Variants in KSR2 observed in about 807,000 individuals in gnomAD.
KSR2 encodes kinase suppressor of ras 2.
KSR2 carries 25 observed loss-of-function variants against 107.8 expected under a neutral mutation model. The ratio of observed to expected loss-of-function variants is 0.23; its 90% CI spans 0.17 to 0.32. KSR2 has a LOEUF of 0.32. Among genes scored for constraint, KSR2 ranks in the 10% least tolerant of loss-of-function variants. The pLI is 1.00. For synonymous variants in KSR2, 480 were observed against 507.0 expected, an observed-to-expected ratio of 0.95 and a Z score of 0.71; for missense variants, 887 against 1,268.9, an observed-to-expected ratio of 0.70 and a Z score of 4.57.
At chr12:117,590,711 A>G (rs1880268091) in intron 5 of KSR2, among the ~76,000 whole-genome samples, 1 of 152,182 alleles carries the variant, frequency 6.6e-6, no homozygotes, top group East Asian at 1.9e-4. Context: ...ATAAAGTTTA[A>G]TTGGCACACA....
intron 5 of KSR2, among the ~76,000 whole-genome samples, chr12:117,591,791 G>A (rs1880337325): frequency 6.6e-6 from 1 of 151,526 alleles, no homozygotes; most frequent in Non-Finnish European, 1.5e-5. Context: ...ATCACTTGAG[G>A]TCAGGAGTTC....
At chr12:117,698,525 T>C (rs1188175524) in intron 4 of KSR2, among the ~76,000 whole-genome samples, 2 of 152,084 alleles carry the variant, frequency 1.3e-5, no homozygotes, top group Non-Finnish European at 2.9e-5. Flanking sequence ...AAGGTTTTGC[T>C]ATGTTGCCCA....
chr12:117,652,621 T>C (rs950851261), intron 5 of KSR2, among the ~76,000 whole-genome samples: 8 of 152,140 alleles, frequency 5.3e-5, no homozygotes, highest in Non-Finnish European at 1.0e-4. Context: ...ATTTATGCAG[T>C]GAATCTTTCT....
chr12:117,898,062 G>A (rs935990611), intron 1 of KSR2, among the ~76,000 whole-genome samples: 2 of 151,998 alleles, frequency 1.3e-5, no homozygotes, highest in East Asian at 3.9e-4. Context: ...TCCTGTGAAC[G>A]CGTCCAGCCT....
At chr12:117,765,349 T>G (rs1437972014) in intron 3 of KSR2, among the ~76,000 whole-genome samples, 5 of 152,090 alleles carry the variant, frequency 3.3e-5, no homozygotes, top group Non-Finnish European at 5.9e-5. Context: ...CTGAATGAAA[T>G]GGAAAGAATA....
intron 7 of KSR2, among the ~76,000 whole-genome samples, chr12:117,574,829 G>A (rs758299498): frequency 1.1e-4 from 17 of 150,584 alleles, no homozygotes; most frequent in South Asian, 2.1e-4. Flanking sequence ...ATAGCATGAG[G>A]CCAGTCCAAT....
chr12:117,647,442 A>C (rs1189314570), intron 5 of KSR2, among the ~76,000 whole-genome samples: 1 of 152,174 alleles, frequency 6.6e-6, no homozygotes, highest in African/African-American at 2.4e-5. Context: ...GGTGTGTGCC[A>C]GGAGCCAGCA....
chr12:117,674,033 C>T (rs951598791), intron 4 of KSR2, among the ~76,000 whole-genome samples: 16 of 152,316 alleles, frequency 1.1e-4, no homozygotes, highest in African/African-American at 3.8e-4. Context: ...GGCTGCACAT[C>T]TGTGTTAGGG....
At chr12:117,874,102 C>T (rs182197614) in intron 1 of KSR2, among the ~76,000 whole-genome samples, 13 of 152,272 alleles carry the variant, frequency 8.5e-5, no homozygotes, top group Admixed American at 6.5e-5. Context: ...CCGCAGAAGG[C>T]GGGAAAGGCA....
At chr12:117,519,253 G>C (rs1204184514) in intron 14 of KSR2, among the ~76,000 whole-genome samples, 1 of 152,238 alleles carries the variant, frequency 6.6e-6, no homozygotes, top group Non-Finnish European at 1.5e-5. Context: ...GTGCCTGAGA[G>C]AAGAGGTTTC....
chr12:117,862,721 TC>T (rs202131029), intron 1 of KSR2, among the ~76,000 whole-genome samples: 3 of 134,660 alleles, frequency 2.2e-5, no homozygotes, highest in Non-Finnish European at 3.2e-5. Flanking sequence ...TGGTCTCCAT[TC>T]CCCCCCTTTT....
chr12:117,909,512 C>G (rs1268970801), intron 1 of KSR2, among the ~76,000 whole-genome samples: 3 of 152,220 alleles, frequency 2.0e-5, no homozygotes, highest in Non-Finnish European at 4.4e-5. Context: ...CTGTTAATCT[C>G]AGGGAACATT....
intron 5 of KSR2, among the ~76,000 whole-genome samples, chr12:117,593,156 C>A (rs1179127823): frequency 6.6e-6 from 1 of 152,178 alleles, no homozygotes; most frequent in Non-Finnish European, 1.5e-5. Context: ...CACATAGATA[C>A]AGGACTGTCT....
intron 5 of KSR2, among the ~76,000 whole-genome samples, chr12:117,622,846 G>T (rs1022537843): frequency 1.2e-4 from 18 of 152,204 alleles, no homozygotes; most frequent in Non-Finnish European, 4.4e-5. Flanking sequence ...ATATGGTGCT[G>T]AATGCAAGAA....
At chr12:117,609,533 A>G (rs1881475097) in intron 5 of KSR2, among the ~76,000 whole-genome samples, 1 of 152,268 alleles carries the variant, frequency 6.6e-6, no homozygotes, top group Non-Finnish European at 1.5e-5. Context: ...TAAAAGAATC[A>G]TATTTTGTGA....
chr12:117,825,835 ATGGG>A (rs889445175), intron 3 of KSR2, among the ~76,000 whole-genome samples: 2 of 148,070 alleles, frequency 1.4e-5, no homozygotes, highest in African/African-American at 4.9e-5. Context: ...AGATGGATGG[ATGGG>A]TAGGTGGATA....
intron 4 of KSR2, among the ~76,000 whole-genome samples, chr12:117,695,405 A>C (rs1215011079): frequency 6.6e-6 from 1 of 152,128 alleles, no homozygotes; most frequent in Admixed American, 6.5e-5. Context: ...ATTTTGCTGC[A>C]ATAAAATAAA....
intron 1 of KSR2, among the ~76,000 whole-genome samples, chr12:117,861,446 T>TTCA (rs1893289609): frequency 7.5e-6 from 1 of 133,246 alleles, no homozygotes; most frequent in Non-Finnish European, 1.5e-5. Flanking sequence ...TGGAGTGCAG[T>TTCA]GGCGTGATCT....
chr12:117,663,804 A>T (rs1884536588), intron 5 of KSR2, among the ~76,000 whole-genome samples: 2 of 152,094 alleles, frequency 1.3e-5, no homozygotes, highest in African/African-American at 4.8e-5. Flanking sequence ...AGAAAGCCTG[A>T]CCTCCATCAG....
Sources: gnomAD v4.1 joint callset for allele counts (sites outside exome capture counted in the v4.1 genomes callset) on GRCh38, gnomAD v4.1.1 for gene constraint, MANE v1.5 for transcripts, NCBI Gene and HGNC (gene_info 2026-07-23, HGNC 2026-07-21) for gene names.